The following DPP10 variants were observed in gnomAD, a reference collection of about 807,000 sequenced individuals.
The protein encoded by DPP10 is inactive dipeptidyl peptidase 10.
DPP10 carries 33 observed loss-of-function variants against 120.9 expected under a neutral mutation model. The ratio of observed to expected loss-of-function variants is 0.27; its 90% CI spans 0.21 to 0.37. The LOEUF (loss-of-function observed/expected upper bound fraction) is 0.37, where lower values mean the gene tolerates loss of function less well. DPP10 is among the 10% of genes least tolerant of loss of function. DPP10 has a pLI of 1.00. For missense variants in DPP10, 816 were observed against 942.8 expected, an observed-to-expected ratio of 0.87 and a Z score of 1.76; for synonymous variants, 337 against 326.1, an observed-to-expected ratio of 1.03 and a Z score of -0.36.
At chr2:114,872,707 C>A (rs1218242068) in intron 1 of DPP10, among the ~76,000 whole-genome samples, 1 of 152,156 alleles carries the variant, frequency 6.6e-6, no homozygotes, top group Non-Finnish European at 1.5e-5. Flanking sequence ...TCATCTCCAG[C>A]ACGCTTTTGG....
intron 1 of DPP10, among the ~76,000 whole-genome samples, chr2:114,618,444 A>G: frequency 6.6e-6 from 1 of 152,034 alleles, no homozygotes; most frequent in Non-Finnish European, 1.5e-5. Flanking sequence ...GGTTACCATC[A>G]TACAGATATA....
chr2:115,261,107 A>G (rs1246954474), intron 1 of DPP10, among the ~76,000 whole-genome samples: 4 of 152,222 alleles, frequency 2.6e-5, no homozygotes, highest in Non-Finnish European at 5.9e-5. Context: ...GAGGAGCTAT[A>G]GTCTCTGTGG....
intron 1 of DPP10, among the ~76,000 whole-genome samples, chr2:114,587,232 C>T (rs553328239): frequency 1.1e-3 from 164 of 145,426 alleles, no homozygotes; most frequent in Admixed American, 3.0e-3. Flanking sequence ...ACCCAGGAGG[C>T]GGAGGTTGCA....
chr2:115,010,815 A>G (rs938804945), intron 1 of DPP10, among the ~76,000 whole-genome samples: 8 of 152,178 alleles, frequency 5.3e-5, no homozygotes, highest in Admixed American at 2.6e-4. Context: ...GTACTCCACA[A>G]ACCTTCTACT....
chr2:114,832,766 T>A (rs1489604151), intron 1 of DPP10, among the ~76,000 whole-genome samples: 1 of 152,086 alleles, frequency 6.6e-6, no homozygotes, highest in Non-Finnish European at 1.5e-5. Context: ...GATAAACAGA[T>A]AGTAATATAA....
chr2:115,366,032 A>G (rs528558986), intron 3 of DPP10, among the ~76,000 whole-genome samples: 6 of 152,152 alleles, frequency 3.9e-5, no homozygotes, highest in Admixed American at 2.6e-4. Flanking sequence ...AATATATGCA[A>G]TTTTAAAGAA....
intron 1 of DPP10, among the ~76,000 whole-genome samples, chr2:115,292,521 A>T (rs1300351981): frequency 6.6e-6 from 1 of 152,142 alleles, no homozygotes; most frequent in Non-Finnish European, 1.5e-5. Flanking sequence ...CTTATGCATT[A>T]GATAGAACAC....
In DPP10 at chr2:115,381,432, G is replaced by T. The variant is rs1046644950; in HGVS notation, c.271+37520G>T. Among the ~76,000 whole-genome samples the T allele has an allele frequency of 4.6e-5, 7 of 152,146 alleles. 1 individual carries two copies. The East Asian group carries it at 1.2e-3, about 25-fold the overall frequency. ...CTCCTTTAAGCACTTCTCTGTATTG[G>T]TTATTCTAGTTATACATTCTTCTAA... On this transcript the variant is annotated intron_variant, in intron 3 of 25. Coordinates refer to ENST00000410059, the MANE Select transcript of DPP10 (RefSeq NM_020868.6).
At chr2:115,468,524 C>A in intron 3 of DPP10, 1 of 433,266 alleles carries the variant, frequency 2.3e-6, no homozygotes, top group Non-Finnish European at 4.5e-6. Context: ...GCTATGTGGA[C>A]ATTGCCATCC....
At chr2:114,798,653 C>G (rs978225323) in intron 1 of DPP10, among the ~76,000 whole-genome samples, 1 of 152,080 alleles carries the variant, frequency 6.6e-6, no homozygotes, top group Admixed American at 6.6e-5. Flanking sequence ...AAGGGCATGA[C>G]AGTGACAGGG....
intron 3 of DPP10, among the ~76,000 whole-genome samples, chr2:115,385,649 G>A (rs923403282): frequency 1.3e-5 from 2 of 152,034 alleles, no homozygotes; most frequent in East Asian, 1.9e-4. Context: ...GAACCACCAC[G>A]CCCAGCCTGT....
chr2:115,763,707 C>A lies in DPP10; in HGVS notation c.1113+1097C>A, dbSNP rs553767422. ...TTCACACTGCAGGCTAACTGAGTGA[C>A]CTTTTTAAAATATGCATTTAATTGT... On this transcript the variant is annotated intron_variant, in intron 12 of 25. Transcript: ENST00000410059. 7.2e-5 allele frequency among the ~76,000 whole-genome samples: 11 copies of A among 152,240 alleles called. No individual in the cohort carries two copies. The South Asian group carries it at 2.1e-3, about 29-fold the overall frequency.
intron 1 of DPP10, among the ~76,000 whole-genome samples, chr2:115,189,157 G>A (rs72611956): frequency 0.048 from 7,369 of 152,278 alleles, 483 homozygotes; most frequent in East Asian, 0.21. Context: ...TGGAACAATG[G>A]CAAGAGCACC....
chr2:115,415,633 C>G (rs555559954), intron 3 of DPP10, among the ~76,000 whole-genome samples: 31 of 151,912 alleles, frequency 2.0e-4, no homozygotes, highest in Non-Finnish European at 3.1e-4. Flanking sequence ...CTGCAGTTCT[C>G]AAATATATGA....
rs146676245 is a variant in DPP10, at chr2:115,521,645, C to T, written c.367-4253C>T. ...TATTTTATTCACAATCTCCCCTGTA[C>T]ATGTCCCTTTCACTCTTTGCCTCTG... On this transcript the variant is annotated intron_variant, in intron 4 of 25. Coordinates refer to ENST00000410059, the MANE Select transcript of DPP10 (RefSeq NM_020868.6). Among the ~76,000 whole-genome samples the T allele has an allele frequency of 1.8e-4, 27 of 148,938 alleles. No homozygotes were observed. In the East Asian group the frequency reaches 5.4e-3, roughly 30 times the overall value.
intron 1 of DPP10, among the ~76,000 whole-genome samples, chr2:114,470,780 G>A (rs1408905757): frequency 6.6e-6 from 1 of 152,212 alleles, no homozygotes; most frequent in African/African-American, 2.4e-5. Context: ...CAAAGCCAGA[G>A]TATCTTACTT....
chr2:114,979,295 T>A (rs1699943547), intron 1 of DPP10, among the ~76,000 whole-genome samples: 1 of 151,992 alleles, frequency 6.6e-6, no homozygotes, highest in African/African-American at 2.4e-5. Flanking sequence ...TAAAATAAAT[T>A]TAAAAATTCT....
intron 1 of DPP10, among the ~76,000 whole-genome samples, chr2:115,266,079 G>A (rs1443006155): frequency 2.0e-5 from 3 of 152,072 alleles, no homozygotes; most frequent in African/African-American, 7.2e-5. Context: ...TTAACATGAG[G>A]AGGTAATTTA....
chr2:114,453,794 C>T (rs924724515), intron 1 of DPP10, among the ~76,000 whole-genome samples: 7 of 152,120 alleles, frequency 4.6e-5, no homozygotes, highest in Non-Finnish European at 7.4e-5. Context: ...TACTAAATGG[C>T]TTCATTTTAT....
Sources: gnomAD v4.1 joint callset for allele counts (sites outside exome capture counted in the v4.1 genomes callset) on GRCh38, gnomAD v4.1.1 for gene constraint, MANE v1.5 for transcripts, NCBI Gene and HGNC (gene_info 2026-07-23, HGNC 2026-07-21) for gene names.